Variants in SETD1A observed in about 807,000 individuals in gnomAD.
SETD1A encodes histone-lysine N-methyltransferase SETD1A.
A neutral mutation model predicts 149.9 loss-of-function variants in SETD1A; 29 were observed. The observed-to-expected ratio is 0.19, with a 90% confidence interval of 0.14 to 0.26. SETD1A has a LOEUF of 0.26. SETD1A is among the 10% of genes least tolerant of loss of function. The pLI, the probability that SETD1A is intolerant of heterozygous loss-of-function variation, is 1.00. For synonymous variants in SETD1A, 1,141 were observed against 968.5 expected, an observed-to-expected ratio of 1.18 and a Z score of -3.31; for missense variants, 2,109 against 2,353.1, an observed-to-expected ratio of 0.90 and a Z score of 2.15.
chr16:30,959,685 C>T (rs939730376), intron 3 of SETD1A, among the ~76,000 whole-genome samples: 2 of 152,030 alleles, frequency 1.3e-5, no homozygotes, highest in African/African-American at 2.4e-5. Context: ...TTCTTCATTT[C>T]CTTCTCTGAT....
chr16:30,980,990 A>G lies in SETD1A; in HGVS notation c.4693-71A>G. ...CAGCCAGAACACCCTCTGCCCAGGA[A>G]GTCTGTGGGAAGAGTGAGGGTCTGG... is the stretch of plus-strand genomic sequence containing the variant. On this transcript the variant is annotated intron_variant, in intron 16 of 18. Transcript: ENST00000262519. The surrounding 1 kb of genome is among the most constrained non-coding windows in gnomAD (Gnocchi z 7.7). 6.3e-7 allele frequency: 1 copy of G among 1,599,146 alleles called. No homozygotes were observed. Among genetic ancestry groups the G allele is most frequent in the African/African-American group, 1.3e-5 (1 of 74,824 alleles).
chr16:30,967,366 C>A, intron 9 of SETD1A, 135 bp from the exon 10 acceptor site: 1 of 785,874 alleles, frequency 1.3e-6, no homozygotes, highest in Non-Finnish European at 2.2e-6. Flanking sequence ...GTTGGCCAGG[C>A]TGGTCTTGAA....
In SETD1A at chr16:30,965,932, C is replaced by T. The variant is rs2143501814; in HGVS notation, c.2051C>T (p.Thr684Ile). Reference protein sequence around the residue: ...GGMPMSFQMQTQMLTRLHQLR... With the variant: ...GGMPMSFQMQIQMLTRLHQLR... ...ATGCCCATGTCCTTCCAGATGCAGA[C>T]CCAGATGTTAACTCGGCTCCATCAG... Residue 684 changes from threonine to isoleucine, a missense_variant, in exon 8 of 19, where the codon ACC becomes ATC. Transcript: ENST00000262519. 1 of 1,611,264 alleles carries T rather than the reference C, an allele frequency of 6.2e-7. No homozygotes were observed. The highest frequency in any genetic ancestry group is 8.5e-7 in the Non-Finnish European group (1 of 1,178,810).
At chr16:30,972,789 G>T (rs1318500918) in intron 13 of SETD1A, among the ~76,000 whole-genome samples, 1 of 151,928 alleles carries the variant, frequency 6.6e-6, no homozygotes, top group African/African-American at 2.4e-5. Context: ...AGGAGGCAGA[G>T]GTTGTAGTGA....
rs1024382465 is a variant in SETD1A, at chr16:30,969,750, G to A, written c.3016+61G>A. ...GAGGAGGGGTTCGGCTGCCTGGCTA[G>A]CCCTTTTCTGAGCCCACATGACCTT... On this transcript the variant is annotated intron_variant, in intron 12 of 18. Coordinates refer to ENST00000262519, the MANE Select transcript of SETD1A (RefSeq NM_014712.3). The A allele has an allele frequency of 1.9e-5, 26 of 1,354,932 alleles. No individual in the cohort carries two copies. In the African/African-American group the frequency reaches 3.3e-4, roughly 17 times the overall value. The allele number at this position is 1,354,932 out of a possible 1,614,324, so 83.9% of individuals were successfully genotyped here.
intron 10 of SETD1A, among the ~76,000 whole-genome samples, chr16:30,967,931 G>A (rs193074296): frequency 7.2e-4 from 110 of 152,182 alleles, no homozygotes; most frequent in Non-Finnish European, 1.4e-3. Context: ...CTCCTAGTTT[G>A]CCTGAGTTTG....
At position 30,964,249 on chromosome 16, in the gene SETD1A, T is replaced by C; in HGVS notation, c.795T>C (p.Pro265=). The part of the protein sequence containing the change: ...DTPSSFGQFT[P]QSSQGTPYTS... ...CATCTTCCTTTGGCCAGTTCACACC[T>C]CAGTCCTCCCAAGGAACCCCCTACA... is the stretch of plus-strand genomic sequence containing the variant. Residue 265 remains proline (P), a synonymous_variant, in exon 6 of 19, where the codon CCT becomes CCC. Coordinates refer to ENST00000262519, the MANE Select transcript of SETD1A (RefSeq NM_014712.3). 1 of 1,613,670 alleles carries C rather than the reference T, an allele frequency of 6.2e-7. No individual in the cohort carries two copies. Among genetic ancestry groups the C allele is most frequent in the Non-Finnish European group, 8.5e-7 (1 of 1,179,892 alleles).
chr16:30,958,363 G>A (rs1222178267), intron 1 of SETD1A: 17 of 192,036 alleles, frequency 8.9e-5, no homozygotes, highest in Non-Finnish European at 1.5e-4. Flanking sequence ...CCGTGGCCGG[G>A]CTCGGCCCGG....
chr16:30,959,177 T>G lies in SETD1A; in HGVS notation c.237T>G (p.Pro79=). The G allele has an allele frequency of 1.2e-6, 2 of 1,609,154 alleles. No homozygotes were observed. Among genetic ancestry groups the G allele is most frequent in the Admixed American group, 3.3e-5 (2 of 60,012 alleles). ...ACAGAGACTTTTCCCTCCCAGTCCC[T>G]AAGTTTAAGGTAAGTGTCTGCTGGG... The part of the protein sequence containing the change: ...SKNRDFSLPV[P]KFKLDEFYIG... Residue 79 remains proline, a synonymous_variant, in exon 3 of 19, where the codon CCT becomes CCG. Transcript: ENST00000262519.
Position 30,969,377 on chromosome 16 carries a change from G to A in SETD1A, c.2843G>A (p.Arg948Gln), listed in dbSNP as rs149618545. ...AAGCCCCCGAAGCGGGACGAAGAGC[G>A]AGGCAAGACCCAGGGCAAGCACCGC... is the stretch of plus-strand genomic sequence containing the variant. ...GTKPPKRDEE[R>Q]GKTQGKHRKS... The change falls in exon 11 of 19, where the codon CGA (arginine) becomes CAA (glutamine). Residue 948 changes from arginine (R) to glutamine (Q), a missense_variant. Transcript: ENST00000262519. 2.2e-5 allele frequency: 36 copies of A among 1,614,180 alleles called. No individual in the cohort carries two copies. The highest frequency in any genetic ancestry group is 4.5e-5 in the East Asian group (2 of 44,868).
rs753993234 is a variant in SETD1A, at chr16:30,965,069, G to C, written c.1327G>C (p.Gly443Arg). 6.2e-7 allele frequency: 1 copy of C among 1,611,590 alleles called. No individual in the cohort carries two copies. Among genetic ancestry groups the C allele is most frequent in the East Asian group, 2.2e-5 (1 of 44,874 alleles). Residue 443 changes from glycine to arginine, a missense_variant, in exon 7 of 19, where the codon GGC (glycine) becomes CGC (arginine). Gly to Arg is a moderately radical substitution (Grantham distance 125). Transcript: ENST00000262519. The part of the protein sequence containing the change: ...PPPEPPEPGG[G>R]GGGGGPSPER... ...CCCGGAGCCTCCAGAACCTGGTGGA[G>C]GCGGGGGTGGAGGAGGGCCCAGCCC...
At chr16:30,968,573 C>G (rs1238701238) in intron 10 of SETD1A, among the ~76,000 whole-genome samples, 1 of 152,026 alleles carries the variant, frequency 6.6e-6, no homozygotes, top group Non-Finnish European at 1.5e-5. Flanking sequence ...GAGGCCGAGG[C>G]GGGTGGATCA....
At chr16:30,972,240 G>A (rs2056234270) in intron 13 of SETD1A, among the ~76,000 whole-genome samples, 1 of 152,216 alleles carries the variant, frequency 6.6e-6, no homozygotes, top group African/African-American at 2.4e-5. Context: ...GCTCATCGCA[G>A]CCAAACAGTA....
rs1250189871 is a variant in SETD1A at position 30,960,409 on chromosome 16, T to A, written c.247-858T>A. The stretch of plus-strand genomic sequence containing the variant: ...TCCATGTTCCAGGGGTCCTTGTCAT[T>A]TGATGAATTGTTAATCCCCAAATCT... On this transcript the variant is annotated intron_variant, in intron 3 of 18. Coordinates refer to ENST00000262519, the MANE Select transcript of SETD1A (RefSeq NM_014712.3). Among the ~76,000 whole-genome samples, 3 of 152,244 alleles carry A rather than the reference T, an allele frequency of 2.0e-5. No homozygotes were observed. In the East Asian group the frequency reaches 5.8e-4, roughly 29 times the overall value.
At chr16:30,965,520 G>C in intron 7 of SETD1A, 59 bp downstream of exon 7, 1 of 1,589,672 alleles carries the variant, frequency 6.3e-7, no homozygotes, top group Non-Finnish European at 8.6e-7. Context: ...GTTGGGCCTA[G>C]GGGAGAGGGA....
rs1279279778 is a variant in SETD1A, at chr16:30,967,044, G to A, written c.2666G>A (p.Arg889Gln). ...GGGTCAGGGCTGAGAGGGGCCCTGCGGCTGCCTTCATTCAAGGTACTCAGA... is the reference window on the plus strand; with the variant it reads ...GGGTCAGGGCTGAGAGGGGCCCTGCAGCTGCCTTCATTCAAGGTACTCAGA... ...AFGSGLRGAL[R>Q]LPSFKVKRKE... Residue 889 changes from arginine to glutamine, a missense_variant, in exon 9 of 19, where the codon CGG becomes CAG. Physicochemically the swap from Arg to Gln is conservative, Grantham distance 43. Coordinates refer to ENST00000262519, the MANE Select transcript of SETD1A (RefSeq NM_014712.3). 6.3e-7 allele frequency: 1 copy of A among 1,591,444 alleles called. No homozygotes were observed. Among genetic ancestry groups the A allele is most frequent in the Admixed American group, 1.8e-5 (1 of 54,878 alleles).
At position 30,958,864 on chromosome 16, in the gene SETD1A, G is replaced by A; in HGVS notation, c.133G>A (p.Val45Ile). ...TCAGAAGGTGTACCGCTATGATGGAGTCCACTTCAGTGTCAACGTGAGTGC... is the reference window on the plus strand; with the variant it reads ...TCAGAAGGTGTACCGCTATGATGGAATCCACTTCAGTGTCAACGTGAGTGC... ...PSQKVYRYDGVHFSVNDSKYI... is the reference protein window; with the variant it reads ...PSQKVYRYDGIHFSVNDSKYI... Residue 45 changes from valine (V) to isoleucine (I), a missense_variant, in exon 2 of 19, where the codon GTC (valine) becomes ATC (isoleucine). Physicochemically the swap from Val to Ile is conservative, Grantham distance 29. This residue lies in a region of SETD1A where 75 missense variants were observed against 95.3 expected (regional missense o/e 0.79). Coordinates refer to ENST00000262519, the MANE Select transcript of SETD1A (RefSeq NM_014712.3). 1.2e-6 allele frequency: 2 copies of A among 1,614,202 alleles called. No homozygotes were observed. Among genetic ancestry groups the A allele is most frequent in the Non-Finnish European group, 1.7e-6 (2 of 1,180,026 alleles).
Position 30,979,287 on chromosome 16 carries a change from T to C in SETD1A, c.3501T>C (p.Thr1167=), listed in dbSNP as rs201021701. ...LLPPPKKRRK[T]VSFSAIEVVP... ...CCCCACCCAAGAAACGCCGGAAAAC[T>C]GTCTCCTTCTCTGCCATCGAGGTGG... Residue 1167 remains threonine, a synonymous_variant, in exon 14 of 19, where the codon ACT becomes ACC. Coordinates refer to ENST00000262519, the MANE Select transcript of SETD1A (RefSeq NM_014712.3). The C allele has an allele frequency of 2.0e-5, 27 of 1,378,588 alleles. No individual in the cohort carries two copies. The African/African-American group carries it at 3.8e-4, about 20-fold the overall frequency. 85.4% of individuals were successfully genotyped at this position (1,378,588 alleles called of 1,614,324 possible).
intron 4 of SETD1A, 76 bp from the exon 5 acceptor site, chr16:30,963,357 G>T: frequency 2.9e-6 from 4 of 1,391,930 alleles, no homozygotes; most frequent in Non-Finnish European, 3.8e-6. Context: ...CTTGAGGCCT[G>T]AGAAAGCAGG....
Sources: gnomAD v4.1 joint callset for allele counts (sites outside exome capture counted in the v4.1 genomes callset) on GRCh38, gnomAD v4.1.1 for gene constraint, gnomAD v4.1.1 regional missense constraint, Gnocchi (gnomAD v3.1) non-coding constraint, MANE v1.5 for transcripts, NCBI Gene and HGNC (gene_info 2026-07-23, HGNC 2026-07-21) for gene names.